Variants in CHMP7 observed in about 807,000 individuals in gnomAD.
CHMP7 encodes charged multivesicular body protein 7.
Under a neutral mutation model 53.7 loss-of-function variants are expected in CHMP7, and 15 were observed. The observed-to-expected ratio is 0.28, with a 90% confidence interval of 0.19 to 0.43. CHMP7 has a LOEUF of 0.43. CHMP7 is among the 20% of genes least tolerant of loss of function. The pLI is 1.00. For missense variants in CHMP7, 527 were observed against 569.4 expected, an observed-to-expected ratio of 0.93 and a Z score of 0.76; for synonymous variants, 261 against 228.0, an observed-to-expected ratio of 1.14 and a Z score of -1.30.
In CHMP7 at chr8:23,260,242, T is replaced by C; in HGVS notation, c.1219T>C (p.Phe407Leu). Residue 407 changes from phenylalanine to leucine, a missense_variant, in exon 10 of 11, where the codon TTT (phenylalanine) becomes CTT (leucine). Transcript: ENST00000397677. ...GCCTGACAACCCCCGCAATAGGCAT[T>C]TTACCAACAGCGTGCCTAACCCTAG... ...DLPDNPRNRH[F>L]TNSVPNPRIS... 1 of 1,614,152 alleles carries C rather than the reference T, an allele frequency of 6.2e-7. No individual in the cohort carries two copies. Among genetic ancestry groups the C allele is most frequent in the Non-Finnish European group, 8.5e-7 (1 of 1,180,014 alleles).
Position 23,246,550 on chromosome 8 carries a change from A to T in CHMP7, c.-146A>T. 1.5e-6 allele frequency: 1 copy of T among 660,960 alleles called. No individual in the cohort carries two copies. Among genetic ancestry groups the T allele is most frequent in the East Asian group, 2.7e-5 (1 of 36,464 alleles). The allele number at this position is 660,960 out of a possible 1,614,324, so 40.9% of individuals were successfully genotyped here. Reference sequence around the variant, plus strand: ...GCAGCGCAACGCATGCGCCTTGAAGACTTATGGAACTTATTTCACGCTCAG... The same window carrying T: ...GCAGCGCAACGCATGCGCCTTGAAGTCTTATGGAACTTATTTCACGCTCAG... On this transcript the variant is annotated 5_prime_UTR_variant, in exon 2 of 11. Transcript: ENST00000397677.
In CHMP7 at chr8:23,256,612, C is replaced by T. The variant is rs372674053; in HGVS notation, c.791+19C>T. ...CAGAGAGGTAACTTTTAACCCTGAA[C>T]TGAGCCTCCTCCCCACTGTTGCTGG... On this transcript the variant is annotated intron_variant, in intron 5 of 10. Transcript: ENST00000397677. 7 of 1,610,904 alleles carry T rather than the reference C, an allele frequency of 4.3e-6. No individual in the cohort carries two copies. Among genetic ancestry groups the T allele is most frequent in the Non-Finnish European group, 5.9e-6 (7 of 1,177,794 alleles).
At chr8:23,248,911 A>G (rs1801813676) in intron 2 of CHMP7, among the ~76,000 whole-genome samples, 1 of 152,218 alleles carries the variant, frequency 6.6e-6, no homozygotes, top group Non-Finnish European at 1.5e-5. Flanking sequence ...TTAGTGGAGC[A>G]CTTGCCTTTT....
intron 2 of CHMP7, among the ~76,000 whole-genome samples, chr8:23,248,670 CG>C (rs1801802743): frequency 6.6e-6 from 1 of 152,138 alleles, no homozygotes; most frequent in South Asian, 2.1e-4. Flanking sequence ...GACTGGCCCG[CG>C]GCAAGCATTT....
Position 23,260,113 on chromosome 8 carries a change from T to C in CHMP7, c.1121-31T>C, listed in dbSNP as rs199766633. ...CATTAATGCATTTCTCCCTTGAGTT[T>C]ATGCATCTTTATGTTGTCTTTTCTT... On this transcript the variant is annotated intron_variant, in intron 9 of 10. Transcript: ENST00000397677. The C allele has an allele frequency of 8.9e-4, 1,396 of 1,576,112 alleles. 2 individuals are homozygous for C. The highest frequency in any genetic ancestry group is 9.4e-4 in the Non-Finnish European group (1,076 of 1,145,444).
rs184475490 is a variant in CHMP7 at position 23,245,322 on chromosome 8, G to A, written c.-440-934G>A. 2.0e-5 allele frequency among the ~76,000 whole-genome samples: 3 copies of A among 152,280 alleles called. No homozygotes were observed. The East Asian group carries it at 5.8e-4, about 29-fold the overall frequency. ...TGTGTCCCTCTATTCCTAGAGTGCC[G>A]AGACTTTTTATCATGAGCTGGTGTT... On this transcript the variant is annotated intron_variant, in intron 1 of 10. Transcript: ENST00000397677.
At position 23,260,715 on chromosome 8, in the gene CHMP7, C is replaced by A. The variant is rs763685929; in HGVS notation, c.*116C>A. 1.6e-4 allele frequency: 129 copies of A among 804,350 alleles called. No individual in the cohort carries two copies. The highest frequency in any genetic ancestry group is 2.6e-4 in the Non-Finnish European group (123 of 467,894). 49.8% of individuals were successfully genotyped at this position (804,350 alleles called of 1,614,324 possible). A position where few individuals can be genotyped will look rare whatever the true frequency, so the allele number is the denominator to read the frequency against. ...TTTGGAAGAGGAGAAAGGAGAACCA[C>A]TGATTTTATCTGGATGCTACTACTT... On this transcript the variant is annotated 3_prime_UTR_variant, in exon 11 of 11. Coordinates refer to ENST00000397677, the MANE Select transcript of CHMP7 (RefSeq NM_152272.5).
intron 2 of CHMP7, among the ~76,000 whole-genome samples, chr8:23,247,221 G>A (rs907735005): frequency 1.3e-5 from 2 of 152,168 alleles, no homozygotes; most frequent in East Asian, 1.9e-4. Flanking sequence ...GGGGGGCGGG[G>A]ATAGTCCGAT....
chr8:23,244,032 G>A (rs1563397867), intron 1 of CHMP7, among the ~76,000 whole-genome samples, 188 bp downstream of exon 1: 1 of 151,400 alleles, frequency 6.6e-6, no homozygotes, highest in Admixed American at 6.6e-5. Context: ...AGTTCCTCGT[G>A]TGTTTTGGAT....
chr8:23,246,902 G>A lies in CHMP7; in HGVS notation c.207G>A (p.Val69=). 3.8e-6 allele frequency: 6 copies of A among 1,580,848 alleles called. No individual in the cohort carries two copies. Among genetic ancestry groups the A allele is most frequent in the Non-Finnish European group, 5.2e-6 (6 of 1,164,184 alleles). The stretch of plus-strand genomic sequence containing the variant: ...TGAGCCACAGCCGCCGCCAGGGGGT[G>A]GTGCGCCTGCGTCTGCGGGACTTGC... ...LVLSHSRRQG[V]VRLRLRDLQE... The change falls in exon 2 of 11, where the codon GTG becomes GTA. Residue 69 remains valine (V), a synonymous_variant. Transcript: ENST00000397677.
At chr8:23,258,581 AG>A in intron 7 of CHMP7, 132 bp downstream of exon 7, 1 of 1,373,076 alleles carries the variant, frequency 7.3e-7, no homozygotes, top group East Asian at 2.3e-5. Context: ...TTGCCTTTCC[AG>A]TCAGGAGGTT....
chr8:23,251,784 G>A (rs1343496866), intron 3 of CHMP7, among the ~76,000 whole-genome samples: 1 of 152,150 alleles, frequency 6.6e-6, no homozygotes, highest in Non-Finnish European at 1.5e-5. Context: ...TATGCAACAG[G>A]TGCTCCGCAG....
chr8:23,254,354 T>G (rs990832469), intron 3 of CHMP7, among the ~76,000 whole-genome samples: 6 of 152,174 alleles, frequency 3.9e-5, no homozygotes, highest in Admixed American at 3.3e-4. Context: ...GTCACTAATC[T>G]TATCCCATCT....
intron 1 of CHMP7, 140 bp from the exon 2 acceptor site, chr8:23,246,116 T>C (rs1422528246): frequency 6.6e-6 from 1 of 150,508 alleles, no homozygotes; most frequent in African/African-American, 2.5e-5. Context: ...TCTGCTCTTT[T>C]TATTATTTTT....
chr8:23,254,282 G>C (rs2128858706), intron 3 of CHMP7, among the ~76,000 whole-genome samples: 1 of 151,592 alleles, frequency 6.6e-6, no homozygotes, highest in East Asian at 1.9e-4. Flanking sequence ...GTTTCTGGTA[G>C]TAATTTCCAT....
intron 2 of CHMP7, among the ~76,000 whole-genome samples, chr8:23,247,343 G>T (rs1423206638): frequency 6.6e-6 from 1 of 152,192 alleles, no homozygotes; most frequent in Non-Finnish European, 1.5e-5. Flanking sequence ...GGCCCGTGGA[G>T]CAGAAGGTCT....
chr8:23,261,032 A>G lies in CHMP7; in HGVS notation c.*433A>G, dbSNP rs1462219841. 1 of 187,576 alleles carries G rather than the reference A, an allele frequency of 5.3e-6. No individual in the cohort carries two copies. Among genetic ancestry groups the G allele is most frequent in the Non-Finnish European group, 1.1e-5 (1 of 89,606 alleles). 11.6% of individuals were successfully genotyped at this position (187,576 alleles called of 1,614,324 possible). On this transcript the variant is annotated 3_prime_UTR_variant, in exon 11 of 11. Transcript: ENST00000397677. ...TTATCCTGTCGCTAATGTCAGTTAA[A>G]TAGCTTATTCCTGTCCCACTTGATT...
intron 8 of CHMP7, 40 bp from the exon 9 acceptor site, chr8:23,259,026 C>A: frequency 7.2e-7 from 1 of 1,381,584 alleles, no homozygotes; most frequent in Non-Finnish European, 1.0e-6. Flanking sequence ...TGCTCAGAGC[C>A]ACCATGCCCA....
intron 4 of CHMP7, 75 bp from the exon 5 acceptor site, chr8:23,256,385 C>T (rs1212748549): frequency 5.1e-6 from 5 of 987,628 alleles, no homozygotes; most frequent in African/African-American, 1.6e-5. Flanking sequence ...CTCACATGCC[C>T]ACCACCAGCG....
Sources: allele counts gnomAD v4.1 joint callset (sites outside exome capture counted in the v4.1 genomes callset), GRCh38; gene constraint gnomAD v4.1.1; transcripts MANE v1.5; gene names NCBI Gene and HGNC (gene_info 2026-07-23, HGNC 2026-07-21).